Variants in DSCAM observed in about 807,000 individuals in gnomAD.
DSCAM encodes cell adhesion molecule DSCAM.
In DSCAM, 47 loss-of-function variants were observed where a neutral mutation model predicts 217.7. The ratio of observed to expected loss-of-function variants is 0.22; its 90% CI spans 0.17 to 0.28. DSCAM has a LOEUF of 0.28. Ranked by LOEUF, DSCAM falls within the 10% of genes least tolerant of loss-of-function variation. The pLI, the probability that DSCAM is intolerant of heterozygous loss-of-function variation, is 1.00. For missense variants in DSCAM, 2,080 were observed against 2,618.3 expected (o/e 0.79, Z 4.49); for synonymous variants, 1,056 against 1,015.3 (o/e 1.04, Z -0.76).
At chr21:40,792,535 G>T (rs2123469950) in intron 1 of DSCAM, among the ~76,000 whole-genome samples, 1 of 152,274 alleles carries the variant, frequency 6.6e-6, no homozygotes, top group African/African-American at 2.4e-5. Context: ...GTGACATTAG[G>T]AGTTTACAGC....
chr21:40,417,825 C>T (rs1421315830), intron 3 of DSCAM, among the ~76,000 whole-genome samples: 1 of 151,888 alleles, frequency 6.6e-6, no homozygotes, highest in East Asian at 1.9e-4. Context: ...ATCACAATAA[C>T]AAAATACAAA....
At chr21:40,540,276 G>A (rs1404415239) in intron 3 of DSCAM, among the ~76,000 whole-genome samples, 1 of 152,134 alleles carries the variant, frequency 6.6e-6, no homozygotes, top group East Asian at 1.9e-4. Context: ...AGATTCTGAA[G>A]GCAAAAGTTC....
At chr21:40,636,528 T>C (rs899445047) in intron 3 of DSCAM, among the ~76,000 whole-genome samples, 88 of 152,260 alleles carry the variant, frequency 5.8e-4, no homozygotes, top group African/African-American at 1.9e-3. Flanking sequence ...GTGAGATTCG[T>C]ATCAGTGAAT....
intron 15 of DSCAM, among the ~76,000 whole-genome samples, chr21:40,174,531 CTT>C (rs112792781): frequency 5.6e-5 from 8 of 143,136 alleles, no homozygotes; most frequent in East Asian, 2.1e-4. Flanking sequence ...CCATGTTATT[CTT>C]TTTTTTTTTT....
At chr21:40,338,642 TTTAA>T (rs1360726352) in intron 7 of DSCAM, among the ~76,000 whole-genome samples, 33 of 152,330 alleles carry the variant, frequency 2.2e-4, no homozygotes, top group African/African-American at 7.5e-4. Flanking sequence ...TAAAAGGCAA[TTTAA>T]TTAATAGAAA....
At chr21:40,383,551 C>T (rs1400059512) in intron 3 of DSCAM, 4 of 152,116 alleles carry the variant, frequency 2.6e-5, no homozygotes, top group African/African-American at 4.8e-5. Flanking sequence ...GACTTAGGTG[C>T]CTCCACTAGA....
chr21:40,321,511 C>T (rs2074258939), intron 8 of DSCAM, among the ~76,000 whole-genome samples: 1 of 152,010 alleles, frequency 6.6e-6, no homozygotes, highest in Non-Finnish European at 1.5e-5. Context: ...TATGTATTGT[C>T]TACTCCAATT....
intron 3 of DSCAM, among the ~76,000 whole-genome samples, chr21:40,441,634 C>T (rs918359994): frequency 1.3e-5 from 2 of 152,180 alleles, no homozygotes; most frequent in African/African-American, 2.4e-5. Context: ...TGGTTCCAAA[C>T]ATAGATCATT....
intron 3 of DSCAM, among the ~76,000 whole-genome samples, chr21:40,554,372 G>T (rs2076654516): frequency 6.6e-6 from 1 of 152,074 alleles, no homozygotes; most frequent in Admixed American, 6.6e-5. Context: ...TTTAAATCCT[G>T]GAAATACTTG....
At position 40,556,084 on chromosome 21, in the gene DSCAM, T is replaced by A. The variant is rs376600988; in HGVS notation, c.508+136726A>T. Among the ~76,000 whole-genome samples, 3 of 152,150 alleles carry A rather than the reference T, an allele frequency of 2.0e-5. No homozygotes were observed. In the East Asian group the frequency reaches 5.8e-4, roughly 29 times the overall value. ...AGTGATGTTTAATATTTGCTTAAATTTTCTCTGCACTTTTTCTACCTCCAA... is the reference window on the plus strand; with the variant it reads ...AGTGATGTTTAATATTTGCTTAAATATTCTCTGCACTTTTTCTACCTCCAA... On this transcript the variant is annotated intron_variant, in intron 3 of 32. Transcript: ENST00000400454.
At chr21:40,648,932 A>T (rs2089982314) in intron 3 of DSCAM, among the ~76,000 whole-genome samples, 1 of 152,184 alleles carries the variant, frequency 6.6e-6, no homozygotes, top group Non-Finnish European at 1.5e-5. Context: ...AAACATGGGT[A>T]CAAGCTATAG....
At chr21:40,817,910 C>A (rs1348207644) in intron 1 of DSCAM, among the ~76,000 whole-genome samples, 1 of 150,244 alleles carries the variant, frequency 6.7e-6, no homozygotes. Flanking sequence ...TCCTGGCTAA[C>A]AAGGTGAAAC....
chr21:40,079,176 G>A (rs1174699421), intron 25 of DSCAM, among the ~76,000 whole-genome samples, 199 bp from the exon 26 acceptor site: 1 of 152,128 alleles, frequency 6.6e-6, no homozygotes, highest in Non-Finnish European at 1.5e-5. Context: ...TAATGACCTG[G>A]GTGTGTGACA....
At chr21:40,702,128 AT>A (rs1437153475) in intron 2 of DSCAM, among the ~76,000 whole-genome samples, 1 of 152,158 alleles carries the variant, frequency 6.6e-6, no homozygotes. Context: ...GTACATAAAC[AT>A]TTACAATAGT....
chr21:40,563,032 C>T (rs771284383), intron 3 of DSCAM, among the ~76,000 whole-genome samples: 18 of 152,164 alleles, frequency 1.2e-4, no homozygotes, highest in Non-Finnish European at 2.2e-4. Context: ...AGACAATCGC[C>T]CGGATTTGCT....
At chr21:40,225,761 A>T (rs1038423754) in intron 11 of DSCAM, among the ~76,000 whole-genome samples, 4 of 152,062 alleles carry the variant, frequency 2.6e-5, no homozygotes, top group Admixed American at 2.6e-4. Flanking sequence ...AGGTAACAAT[A>T]CTTTTCCCCA....
At chr21:40,691,619 A>C (rs2090538734) in intron 3 of DSCAM, among the ~76,000 whole-genome samples, 1 of 152,242 alleles carries the variant, frequency 6.6e-6, no homozygotes, top group Non-Finnish European at 1.5e-5. Flanking sequence ...ATCGCATTTG[A>C]GTTATTAAGC....
intron 20 of DSCAM, among the ~76,000 whole-genome samples, chr21:40,122,337 G>A (rs147009056): frequency 2.0e-5 from 3 of 152,212 alleles, no homozygotes; most frequent in Non-Finnish European, 4.4e-5. Flanking sequence ...ACGAGAGGAA[G>A]CTGCTGGTCT....
In DSCAM at chr21:40,479,641, C is replaced by T. The variant is rs368668770; in HGVS notation, c.509-110396G>A. Reference sequence around the variant, plus strand: ...ATCTCATTACACTTATTCACTATCACGAGAACAGCATGGGTAAACCTGCCC... The same window carrying T: ...ATCTCATTACACTTATTCACTATCATGAGAACAGCATGGGTAAACCTGCCC... On this transcript the variant is annotated intron_variant, in intron 3 of 32. Coordinates refer to ENST00000400454, the MANE Select transcript of DSCAM (RefSeq NM_001389.5). 2.1e-3 allele frequency among the ~76,000 whole-genome samples: 313 copies of T among 152,204 alleles called. 1 individual carries two copies. The highest frequency in any genetic ancestry group is 7.0e-3 in the African/African-American group (292 of 41,528).
Sources: gnomAD v4.1 joint callset for allele counts (sites outside exome capture counted in the v4.1 genomes callset) on GRCh38, gnomAD v4.1.1 for gene constraint, MANE v1.5 for transcripts, NCBI Gene and HGNC (gene_info 2026-07-23, HGNC 2026-07-21) for gene names.